The following TRPM3 variants were observed in gnomAD, a reference collection of about 807,000 sequenced individuals.
TRPM3 encodes the protein long transient receptor potential channel 3.
A neutral mutation model predicts 181.2 loss-of-function variants in TRPM3; 77 were observed. The observed-to-expected ratio is 0.42, with a 90% CI of 0.35 to 0.51. The LOEUF is 0.51. Among genes scored for constraint, TRPM3 ranks in the 20% least tolerant of loss-of-function variants. The pLI is 0.01. For synonymous variants in TRPM3, 745 were observed against 796.4 expected, an observed-to-expected ratio of 0.94 and a Z score of 1.09; for missense variants, 1,759 against 2,196.7, an observed-to-expected ratio of 0.80 and a Z score of 3.98.
chr9:70,757,748 A>G (rs1207482951), intron 8 of TRPM3, among the ~76,000 whole-genome samples: 1 of 152,242 alleles, frequency 6.6e-6, no homozygotes, highest in Non-Finnish European at 1.5e-5. Context: ...ATCTCAATAG[A>G]TGCAGAAAAG....
At chr9:70,999,391 G>A (rs1158392983) in intron 1 of TRPM3, among the ~76,000 whole-genome samples, 2 of 152,172 alleles carry the variant, frequency 1.3e-5, no homozygotes, top group African/African-American at 4.8e-5. Context: ...CTAGGACAGG[G>A]CACAGCTGTA....
At chr9:71,383,431 T>C (rs922757479) in intron 1 of TRPM3, among the ~76,000 whole-genome samples, 5 of 152,154 alleles carry the variant, frequency 3.3e-5, no homozygotes, top group Non-Finnish European at 7.4e-5. Context: ...CAATAGGAGA[T>C]AACAGTAGGA....
chr9:70,912,246 G>C (rs112529847), intron 1 of TRPM3, among the ~76,000 whole-genome samples: 73 of 152,272 alleles, frequency 4.8e-4, no homozygotes, highest in African/African-American at 1.6e-3. Flanking sequence ...AGTGTTCCAG[G>C]CACTTTATAA....
chr9:70,993,628 G>A (rs2097510617), intron 1 of TRPM3, among the ~76,000 whole-genome samples: 1 of 152,052 alleles, frequency 6.6e-6, no homozygotes, highest in African/African-American at 2.4e-5. Flanking sequence ...TGGAAATGCA[G>A]ATTTGAGAGT....
At chr9:70,773,989 C>T (rs1482193420) in intron 7 of TRPM3, 1 of 152,142 alleles carries the variant, frequency 6.6e-6, no homozygotes, top group Non-Finnish European at 1.5e-5. Flanking sequence ...GGCATGTTGA[C>T]TCCAAATTCC....
At chr9:71,022,233 A>T (rs2097852771) in intron 1 of TRPM3, among the ~76,000 whole-genome samples, 1 of 152,248 alleles carries the variant, frequency 6.6e-6, no homozygotes, top group Non-Finnish European at 1.5e-5. Flanking sequence ...ACCCACAAAT[A>T]GACCTACACA....
chr9:71,090,252 A>G (rs1277351310), intron 1 of TRPM3, among the ~76,000 whole-genome samples: 1 of 152,184 alleles, frequency 6.6e-6, no homozygotes, highest in African/African-American at 2.4e-5. Context: ...GAATGTAGAC[A>G]TGTAAAGTAG....
At chr9:70,806,636 G>A (rs2090751691) in intron 6 of TRPM3, among the ~76,000 whole-genome samples, 2 of 151,946 alleles carry the variant, frequency 1.3e-5, no homozygotes, top group Admixed American at 1.3e-4. Context: ...GTTGCAGTGA[G>A]CTGAGATCAT....
intron 5 of TRPM3, among the ~76,000 whole-genome samples, chr9:70,839,966 GC>G (rs1310974151): frequency 6.6e-6 from 1 of 152,104 alleles, no homozygotes; most frequent in Admixed American, 6.6e-5. Flanking sequence ...GAAAAGAGTT[GC>G]GACTGTGTAA....
intron 1 of TRPM3, among the ~76,000 whole-genome samples, chr9:71,142,907 G>GAATCAC (rs1257313020): frequency 6.6e-6 from 1 of 151,134 alleles, no homozygotes; most frequent in South Asian, 2.1e-4. Flanking sequence ...GAGCCCAGGA[G>GAATCAC]TTTGAGACCA....
At chr9:70,870,705 T>C (rs1487284487) in intron 1 of TRPM3, among the ~76,000 whole-genome samples, 2 of 152,008 alleles carry the variant, frequency 1.3e-5, no homozygotes, top group Non-Finnish European at 1.5e-5. Context: ...GACTGCTTAA[T>C]TACGTAGAGA....
At chr9:70,626,648 C>T (rs1431608123) in intron 12 of TRPM3, among the ~76,000 whole-genome samples, 1 of 152,164 alleles carries the variant, frequency 6.6e-6, no homozygotes, top group East Asian at 1.9e-4. Flanking sequence ...CTGATGCACA[C>T]TCAAGTTTGT....
At chr9:71,216,126 T>C (rs529624448) in intron 1 of TRPM3, among the ~76,000 whole-genome samples, 1 of 152,338 alleles carries the variant, frequency 6.6e-6, no homozygotes, top group South Asian at 2.1e-4. Context: ...AGAATTTTGC[T>C]CTCAACTAAG....
intron 24 of TRPM3, among the ~76,000 whole-genome samples, chr9:70,552,138 T>C (rs2046616102): frequency 6.6e-6 from 1 of 152,130 alleles, no homozygotes; most frequent in Non-Finnish European, 1.5e-5. Flanking sequence ...TGGTATGGGA[T>C]TGGATTCCCA....
At chr9:71,424,359 A>G (rs1021692504) in intron 1 of TRPM3, among the ~76,000 whole-genome samples, 1 of 152,062 alleles carries the variant, frequency 6.6e-6, no homozygotes, top group Non-Finnish European at 1.5e-5. Context: ...TTTTTCCACT[A>G]AAACGTTTCA....
chr9:70,915,464 A>ATT (rs766229481), intron 1 of TRPM3, among the ~76,000 whole-genome samples: 4 of 141,604 alleles, frequency 2.8e-5, no homozygotes, highest in African/African-American at 7.8e-5. Context: ...TGCCCGGCTA[A>ATT]TTTTTTTTTT....
At chr9:71,391,565 C>T (rs2309900) in intron 1 of TRPM3, among the ~76,000 whole-genome samples, 150,274 of 152,218 alleles carry the variant, frequency 0.99, 74,216 homozygotes, top group East Asian at 1. Context: ...CTCTATCAAA[C>T]GTTATTGAAA....
chr9:70,824,729 A>C (rs2131635675), intron 6 of TRPM3: 1 of 152,280 alleles, frequency 6.6e-6, no homozygotes, highest in African/African-American at 2.4e-5. Flanking sequence ...CCCGGCCATA[A>C]AATTTTATTT....
chr9:71,423,348 T>C lies in TRPM3; in HGVS notation c.183+23305A>G, dbSNP rs371489280. On this transcript the variant is annotated intron_variant, in intron 1 of 24. Coordinates refer to the TRPM3 transcript ENST00000357533. The stretch of plus-strand genomic sequence containing the variant: ...CAATCAAAATTTGCAATTTTTGTTT[T>C]CAAGTTTCATCTTCTTTGCAACTAT... Among the ~76,000 whole-genome samples, 510 of 152,260 alleles carry C rather than the reference T, an allele frequency of 3.3e-3. 2 individuals are homozygous for C. The highest frequency in any genetic ancestry group is 0.015 in the South Asian group (73 of 4,828).
Sources: gnomAD v4.1 joint callset for allele counts (sites outside exome capture counted in the v4.1 genomes callset) on GRCh38, gnomAD v4.1.1 for gene constraint, MANE v1.5 for transcripts, NCBI Gene and HGNC (gene_info 2026-07-23, HGNC 2026-07-21) for gene names.